FGF13: variants seen among roughly 807,000 people sequenced by gnomAD.
The protein encoded by FGF13 is fibroblast growth factor 13.
FGF13 carries 2 observed loss-of-function variants against 19.5 expected under a neutral mutation model. The observed-to-expected ratio is 0.10, with a 90% CI of 0.04 to 0.32. FGF13 has a LOEUF of 0.32. Ranked by LOEUF, FGF13 falls within the 10% of genes least tolerant of loss-of-function variation. The probability of loss-of-function intolerance (pLI) is 1.00; values close to 1 mark genes in which losing one functional copy is unlikely to be tolerated. For synonymous variants in FGF13, 72 were observed against 76.9 expected (o/e 0.94, Z 0.33); for missense variants, 113 against 192.7 (o/e 0.59, Z 2.45).
chrX:139,002,734 C>T (rs1343994696), intron 1 of FGF13, among the ~76,000 whole-genome samples: 1 of 111,280 alleles, frequency 9.0e-6, no homozygotes, highest in Admixed American at 9.5e-5. Flanking sequence ...TTCTCATTTC[C>T]AGGCCCTAGA....
intron 3 of FGF13, among the ~76,000 whole-genome samples, chrX:138,661,440 C>A (rs1203977306): frequency 8.9e-6 from 1 of 111,850 alleles, no homozygotes; most frequent in Non-Finnish European, 1.9e-5. Context: ...GCTAAGTCCA[C>A]TTGGTGCTTT....
chrX:138,667,892 C>T (rs888313518), intron 3 of FGF13: 4 of 248,787 alleles, frequency 1.6e-5, no homozygotes, highest in African/African-American at 1.2e-4. Context: ...AGTTATTCCA[C>T]TTCAGTGATG....
intron 3 of FGF13, among the ~76,000 whole-genome samples, chrX:138,770,563 C>A (rs1020032304): frequency 9.0e-6 from 1 of 111,285 alleles, no homozygotes; most frequent in East Asian, 2.8e-4. Context: ...AGCTTTCTGT[C>A]CTCTGTGCTC....
At chrX:139,011,219 A>G (rs1302311997) in intron 1 of FGF13, among the ~76,000 whole-genome samples, 2 of 110,892 alleles carry the variant, frequency 1.8e-5, no homozygotes, top group Non-Finnish European at 3.8e-5. Context: ...GAATTCTATC[A>G]GACATTCAAA....
At chrX:138,909,531 C>A (rs2091576307) in intron 1 of FGF13, among the ~76,000 whole-genome samples, 1 of 111,942 alleles carries the variant, frequency 8.9e-6, no homozygotes, top group African/African-American at 3.3e-5. Context: ...ACATTGGCTT[C>A]TGATTGGCAT....
chrX:139,054,117 C>CTTTTTTT (rs58544411), intron 1 of FGF13, among the ~76,000 whole-genome samples: 6 of 33,971 alleles, frequency 1.8e-4, no homozygotes, highest in African/African-American at 4.5e-4. Context: ...GTCTACGTGC[C>CTTTTTTT]TTTTTTTTTT....
chrX:138,952,983 C>T (rs746664222), intron 1 of FGF13, among the ~76,000 whole-genome samples: 14 of 111,622 alleles, frequency 1.3e-4, no homozygotes, highest in African/African-American at 4.6e-4. Context: ...ATTGGTGGGA[C>T]TGTCAACTAG....
intron 1 of FGF13, among the ~76,000 whole-genome samples, chrX:139,068,257 G>T (rs1463386448): frequency 2.0e-5 from 2 of 98,598 alleles, no homozygotes; most frequent in African/African-American, 4.3e-5. Context: ...TTTCCCCGTT[G>T]CTTGTTTTTC....
At chrX:138,966,081 A>T (rs1393085452) in intron 1 of FGF13, among the ~76,000 whole-genome samples, 1 of 111,707 alleles carries the variant, frequency 9.0e-6, no homozygotes, top group African/African-American at 3.3e-5. Flanking sequence ...AAAGGAGATT[A>T]ACATTTGAGT....
chrX:138,808,299 G>A (rs185830227), intron 3 of FGF13, among the ~76,000 whole-genome samples: 31 of 111,812 alleles, frequency 2.8e-4, no homozygotes, highest in Non-Finnish European at 4.3e-4. Context: ...ACTCAAAACC[G>A]CTCAACTGCA....
intron 1 of FGF13, among the ~76,000 whole-genome samples, chrX:138,885,701 C>T (rs1294633130): frequency 1.9e-5 from 2 of 103,208 alleles, no homozygotes; most frequent in Non-Finnish European, 3.9e-5. Flanking sequence ...GCTTCTCTAA[C>T]CCCCCCCGCC....
intron 3 of FGF13, among the ~76,000 whole-genome samples, chrX:138,851,262 G>A (rs1322961960): frequency 9.0e-6 from 1 of 111,637 alleles, no homozygotes; most frequent in African/African-American, 3.3e-5. Context: ...CCCAGTAATG[G>A]GATAGCTGGG....
chrX:138,711,336 G>T lies in FGF13; in HGVS notation c.-333C>A, dbSNP rs1012418783. On this transcript the variant is annotated 5_prime_UTR_variant, in exon 1 of 5. Transcript: ENST00000315930. ...CGTGTGGTCGGCCCCTGCGCCCGGC[G>T]GACACCGTGCATGTCCAGCTGCTCC... 14 of 816,442 alleles carry T rather than the reference G, an allele frequency of 1.7e-5. No individual in the cohort carries two copies. The African/African-American group carries it at 2.4e-4, about 14-fold the overall frequency. 67.3% of individuals were successfully genotyped at this position (816,442 alleles called of 1,213,427 possible).
intron 1 of FGF13, among the ~76,000 whole-genome samples, chrX:138,887,573 C>T (rs1434530164): frequency 4.5e-5 from 5 of 111,624 alleles, no homozygotes; most frequent in South Asian, 3.8e-4. Flanking sequence ...TAAACTCCCG[C>T]TACTTCCCCA....
At chrX:139,054,284 A>G (rs1304474472) in intron 1 of FGF13, among the ~76,000 whole-genome samples, 1 of 108,490 alleles carries the variant, frequency 9.2e-6, no homozygotes, top group African/African-American at 3.4e-5. Flanking sequence ...CACCATGCCC[A>G]GCTAATTTTT....
In FGF13 at chrX:139,131,382, GGTGTGTGTGTGTGTGTGTGTGTGT is replaced by G. The variant is rs10541863; in HGVS notation, c.-113+72010_-113+72033del. On this transcript the variant is annotated intron_variant, in intron 1 of 2. Transcript: ENST00000421460. ...TGTTGTATGGATTAGAATATAGAGG[GGTGTGTGTGTGTGTGTGTGTGTGT>G]GTGTGTGTGTGTGTGTGCAAAGGAT... is the stretch of plus-strand genomic sequence containing the variant. 5.5e-5 allele frequency among the ~76,000 whole-genome samples: 5 copies of G among 91,446 alleles called. No individual in the cohort carries two copies. In the South Asian group the frequency reaches 2.5e-3, roughly 46 times the overall value. The allele number at this position is 91,446 out of a possible 115,157, so 79.4% of individuals were successfully genotyped here. A position where few individuals can be genotyped will look rare whatever the true frequency, so the allele number is the denominator to read the frequency against.
intron 3 of FGF13, among the ~76,000 whole-genome samples, chrX:138,814,152 T>C (rs147934759): frequency 0.12 from 12,889 of 110,129 alleles, 741 homozygotes; most frequent in Admixed American, 0.18. Context: ...AGTATAAATA[T>C]GTAAATTAAT....
At chrX:139,070,832 T>C (rs1421622897) in intron 1 of FGF13, among the ~76,000 whole-genome samples, 1 of 111,716 alleles carries the variant, frequency 9.0e-6, no homozygotes, top group Non-Finnish European at 1.9e-5. Context: ...TTCATGTCCT[T>C]TACAGGGACA....
intron 1 of FGF13, among the ~76,000 whole-genome samples, chrX:138,913,180 T>C (rs1472361138): frequency 1.3e-5 from 1 of 74,289 alleles, no homozygotes; most frequent in Non-Finnish European, 2.5e-5. Context: ...AAAAAGCATC[T>C]ACTTTTTTTT....
Sources: gnomAD v4.1 joint callset for allele counts (sites outside exome capture counted in the v4.1 genomes callset) on GRCh38, gnomAD v4.1.1 for gene constraint, MANE v1.5 for transcripts, NCBI Gene and HGNC (gene_info 2026-07-23, HGNC 2026-07-21) for gene names.